Variants in STK25 observed in about 807,000 individuals in gnomAD.
The protein encoded by STK25 is serine/threonine kinase 25.
Under a neutral mutation model 53.8 loss-of-function variants are expected in STK25, and 29 were observed. That is an observed-to-expected ratio of 0.54 (90% confidence interval 0.40 to 0.74). The LOEUF is 0.74. Ranked by LOEUF, STK25 falls within the 30% of genes least tolerant of loss-of-function variation. The pLI is 0.00. For synonymous variants in STK25, 247 were observed against 238.3 expected, an observed-to-expected ratio of 1.04 and a Z score of -0.33; for missense variants, 420 against 568.0, an observed-to-expected ratio of 0.74 and a Z score of 2.65.
chr2:241,496,363 T>C lies in STK25; in HGVS notation c.1241+35A>G. On this transcript the variant is annotated intron_variant, in intron 11 of 11. Transcript: ENST00000316586. The surrounding 1 kb of genome is among the most constrained non-coding windows in gnomAD (Gnocchi z 5.8). ...CCCACGTCCAGCTTCTTGGTGGGGG[T>C]GCTCTCCCCGACCCTATGGCACGGC... 6.3e-7 allele frequency: 1 copy of C among 1,589,250 alleles called. No homozygotes were observed. Among genetic ancestry groups the C allele is most frequent in the Non-Finnish European group, 8.6e-7 (1 of 1,163,684 alleles).
rs967828363 is a variant in STK25, at chr2:241,501,574, C to T, written c.165G>A (p.Glu55=). Residue 55 remains glutamate, a synonymous_variant, in exon 3 of 12, where the codon GAG becomes GAA. Coordinates refer to ENST00000316586, the MANE Select transcript of STK25 (RefSeq NM_001271977.2). This position sits in a 1 kb window ranked among gnomAD's most constrained non-coding sequence, Gnocchi z 5.3. ...VVAIKIIDLE[E]AEDEIEDIQQ... The stretch of plus-strand genomic sequence containing the variant: ...GGATGTCCTCGATCTCATCCTCGGC[C>T]TCCTCCAGGTCGATGATCTTGATGG... 4.3e-6 allele frequency: 7 copies of T among 1,614,172 alleles called. No homozygotes were observed. Among genetic ancestry groups the T allele is most frequent in the African/African-American group, 1.3e-5 (1 of 75,070 alleles).
intron 2 of STK25, among the ~76,000 whole-genome samples, chr2:241,507,279 C>T (rs923975417): frequency 2.0e-5 from 3 of 152,230 alleles, no homozygotes; most frequent in Non-Finnish European, 4.4e-5. Flanking sequence ...CCGGCAAGCC[C>T]TTTGGCACCA....
chr2:241,502,209 C>T (rs545743304), intron 2 of STK25, among the ~76,000 whole-genome samples: 1 of 152,032 alleles, frequency 6.6e-6, no homozygotes, highest in South Asian at 2.1e-4. Flanking sequence ...AAAACCTAAA[C>T]TGAACTTTCC....
At position 241,500,721 on chromosome 2, in the gene STK25, G is replaced by A; in HGVS notation, c.318+19C>T. 1 of 1,613,286 alleles carries A rather than the reference G, an allele frequency of 6.2e-7. No homozygotes were observed. Among genetic ancestry groups the A allele is most frequent in the South Asian group, 1.1e-5 (1 of 91,052 alleles). On this transcript the variant is annotated intron_variant, in intron 4 of 11. Transcript: ENST00000316586. ...CTCGGACACTGCATGACCCCCCACT[G>A]CCATGGCCTATGCCTCACCAAGTCC...
chr2:241,501,749 T>G lies in STK25; in HGVS notation c.31-41A>C, dbSNP rs773481270. ...GGGGACAGAGGGCAGACAGCGCCGG[T>G]CACAAGAGGCGGGGGACAGGCAGAG... On this transcript the variant is annotated intron_variant, in intron 2 of 11. Transcript: ENST00000316586. This position sits in a 1 kb window ranked among gnomAD's most constrained non-coding sequence, Gnocchi z 5.3. 2 of 1,530,812 alleles carry G rather than the reference T, an allele frequency of 1.3e-6. No individual in the cohort carries two copies. The highest frequency in any genetic ancestry group is 2.3e-5 in the South Asian group (2 of 87,652). 94.8% of individuals were successfully genotyped at this position (1,530,812 alleles called of 1,614,324 possible). A position where few individuals can be genotyped will look rare whatever the true frequency, so the allele number is the denominator to read the frequency against.
At chr2:241,507,424 A>C (rs1045820913) in intron 2 of STK25, among the ~76,000 whole-genome samples, 1 of 152,214 alleles carries the variant, frequency 6.6e-6, no homozygotes, top group African/African-American at 2.4e-5. Flanking sequence ...TGTTCGGGCA[A>C]CCGCCCGTCG....
rs138142416 is a variant in STK25 at position 241,497,628 on chromosome 2, G to A, written c.1092C>T (p.Pro364=). The A allele has an allele frequency of 6.6e-5, 107 of 1,613,464 alleles. 1 individual carries two copies. The highest frequency in any genetic ancestry group is 2.0e-4 in the East Asian group (9 of 44,888). The change falls in exon 10 of 12, where the codon CCC becomes CCT. Residue 364 remains proline, a synonymous_variant. Coordinates refer to ENST00000316586, the MANE Select transcript of STK25 (RefSeq NM_001271977.2). ...GCCCCATCCTCACCTCTCCGAAGAC[G>A]GGCCGGACCAGCGTGGACAGGCACT... is the stretch of plus-strand genomic sequence containing the variant. The part of the protein sequence containing the change: ...RSQCLSTLVR[P]VFGELKEKHK...
In STK25 at chr2:241,504,770, T is replaced by C. The variant is rs544818193; in HGVS notation, c.31-3062A>G. 2.4e-4 allele frequency among the ~76,000 whole-genome samples: 36 copies of C among 152,170 alleles called. No individual in the cohort carries two copies. In the East Asian group the frequency reaches 6.6e-3, roughly 28 times the overall value. On this transcript the variant is annotated intron_variant, in intron 2 of 11. Transcript: ENST00000316586. ...CCCACTGGCTGTCATAGGTAAGCAG[T>C]CAGTGTTAAAATATCACCCTCCTGC...
Position 241,494,288 on chromosome 2 carries a change from T to C in STK25, c.*1374A>G, listed in dbSNP as rs2065044143. The C allele has an allele frequency of 2.4e-6, 1 of 423,988 alleles. No individual in the cohort carries two copies. The highest frequency in any genetic ancestry group is 2.0e-5 in the African/African-American group (1 of 48,786). The allele number at this position is 423,988 out of a possible 1,614,324, so 26.3% of individuals were successfully genotyped here. On this transcript the variant is annotated 3_prime_UTR_variant, in exon 12 of 12. Coordinates refer to ENST00000316586, the MANE Select transcript of STK25 (RefSeq NM_001271977.2). This position sits in a 1 kb window ranked among gnomAD's most constrained non-coding sequence, Gnocchi z 4.9. ...GCCTCATGTAACATCTGGGAGGGGC[T>C]TCATCCCCCCACCCAGGACCTAGTG...
rs981531888 is a variant in STK25 at position 241,496,960 on chromosome 2, G to A, written c.1105-426C>T. ...CAGCATCTGAGCCTCCTGTCACCGG[G>A]TGTCACCCACCCTCGGGGGGCTGTG... On this transcript the variant is annotated intron_variant, in intron 10 of 11. Transcript: ENST00000316586. This position sits in a 1 kb window ranked among gnomAD's most constrained non-coding sequence, Gnocchi z 5.8. Among the ~76,000 whole-genome samples, 5 of 152,246 alleles carry A rather than the reference G, an allele frequency of 3.3e-5. No homozygotes were observed. The highest frequency in any genetic ancestry group is 6.5e-5 in the Admixed American group (1 of 15,286).
Position 241,493,815 on chromosome 2 carries a change from T to A in STK25, c.*1847A>T, listed in dbSNP as rs995098791. On this transcript the variant is annotated 3_prime_UTR_variant, in exon 12 of 12. Coordinates refer to ENST00000316586, the MANE Select transcript of STK25 (RefSeq NM_001271977.2). The stretch of plus-strand genomic sequence containing the variant: ...TTTCACCATGTTGGCCAGGCTGGTC[T>A]CGAACTCCTGACCTCAAGTGATCCA... The A allele has an allele frequency of 1.9e-6, 1 of 519,118 alleles. No homozygotes were observed. The highest frequency in any genetic ancestry group is 5.4e-4 in the Middle Eastern group (1 of 1,852). 32.2% of individuals were successfully genotyped at this position (519,118 alleles called of 1,614,324 possible).
chr2:241,508,815 T>C, upstream of STK25: 1 of 921,186 alleles, frequency 1.1e-6, no homozygotes, highest in Non-Finnish European at 1.3e-6. Context: ...GCCGCGCGCC[T>C]GGGCGGGCGG....
chr2:241,492,922 TTGACAGAACCA>T lies in STK25; in HGVS notation c.*2729_*2739del, dbSNP rs766143005. 2 of 1,577,824 alleles carry T rather than the reference TTGACAGAACCA, an allele frequency of 1.3e-6. No individual in the cohort carries two copies. Among genetic ancestry groups the T allele is most frequent in the East Asian group, 4.5e-5 (2 of 44,688 alleles). On this transcript the variant is annotated 3_prime_UTR_variant, in exon 12 of 12. Transcript: ENST00000316586. ...TTAATGCACCTGCATTTTTCCTTTA[TTGACAGAACCA>T]GCTTTCAGGATATCTGCTAAGAAAG...
At chr2:241,497,574 T>C in intron 10 of STK25, 42 bp downstream of exon 10, 2 of 1,600,368 alleles carry the variant, frequency 1.2e-6, no homozygotes, top group Non-Finnish European at 1.7e-6. Context: ...CACAGCCTTG[T>C]CCTTGACGGG....
intron 5 of STK25, 180 bp from the exon 6 acceptor site, chr2:241,499,594 G>T: frequency 1.4e-6 from 1 of 705,530 alleles, no homozygotes; most frequent in Non-Finnish European, 2.3e-6. Context: ...CAGGGGCACT[G>T]CCAGCAGGAG....
In STK25 at chr2:241,501,365, G is replaced by T; in HGVS notation, c.261+113C>A. 9.2e-7 allele frequency: 1 copy of T among 1,082,090 alleles called. No homozygotes were observed. The highest frequency in any genetic ancestry group is 1.4e-6 in the Non-Finnish European group (1 of 723,504). 67.0% of individuals were successfully genotyped at this position (1,082,090 alleles called of 1,614,324 possible). On this transcript the variant is annotated intron_variant, in intron 3 of 11. Transcript: ENST00000316586. This position sits in a 1 kb window ranked among gnomAD's most constrained non-coding sequence, Gnocchi z 5.3. ...CCCAGGGCAGTTTCCCGGAGGGCATGCACTGAACCGTCAAGACCGCCTTGC... is the reference window on the plus strand; with the variant it reads ...CCCAGGGCAGTTTCCCGGAGGGCATTCACTGAACCGTCAAGACCGCCTTGC...
intron 2 of STK25, among the ~76,000 whole-genome samples, chr2:241,505,807 C>T (rs1244492096): frequency 7.2e-5 from 11 of 152,330 alleles, no homozygotes; most frequent in African/African-American, 2.6e-4. Context: ...CCATCCCCAC[C>T]CCCACCTGGA....
In STK25 at chr2:241,499,273, G is replaced by A; in HGVS notation, c.569C>T (p.Ser190Leu). 2 of 1,614,018 alleles carry A rather than the reference G, an allele frequency of 1.2e-6. No individual in the cohort carries two copies. Among genetic ancestry groups the A allele is most frequent in the Non-Finnish European group, 1.7e-6 (2 of 1,180,010 alleles). Residue 190 changes from serine to leucine, a missense_variant, in exon 6 of 12, where the codon TCG becomes TTG. Physicochemically the swap from Ser to Leu is moderately radical, Grantham distance 145. Coordinates refer to ENST00000316586, the MANE Select transcript of STK25 (RefSeq NM_001271977.2). ...TGCACCCACCTTGAAGTCGTAGGCCGACTGCTTGATGACCTCAGGTGCCAT... is the reference window on the plus strand; with the variant it reads ...TGCACCCACCTTGAAGTCGTAGGCCAACTGCTTGATGACCTCAGGTGCCAT... ...FWMAPEVIKQSAYDFKADIWS... is the reference protein window; with the variant it reads ...FWMAPEVIKQLAYDFKADIWS...
In STK25 at chr2:241,496,512, C is replaced by T. The variant is rs1373618275; in HGVS notation, c.1127G>A (p.Ser376Asn). The change falls in exon 11 of 12, where the codon AGC (serine) becomes AAC (asparagine). Residue 376 changes from serine to asparagine, a missense_variant. By Grantham distance (46) the Ser-to-Asn change is conservative. Coordinates refer to ENST00000316586, the MANE Select transcript of STK25 (RefSeq NM_001271977.2). This position sits in a 1 kb window ranked among gnomAD's most constrained non-coding sequence, Gnocchi z 5.8. ...FGELKEKHKQ[S>N]GGSVGALEEL... is the part of the protein sequence containing the mutation. ...CTCCAGCGCACCCACGCTCCCGCCGCTCTGCTTGTGCTTCTCTTTGAGCTG... is the reference window on the plus strand; with the variant it reads ...CTCCAGCGCACCCACGCTCCCGCCGTTCTGCTTGTGCTTCTCTTTGAGCTG... 6.2e-7 allele frequency: 1 copy of T among 1,613,728 alleles called. No homozygotes were observed. The highest frequency in any genetic ancestry group is 8.5e-7 in the Non-Finnish European group (1 of 1,179,960).
Sources: gnomAD v4.1 joint callset for allele counts (sites outside exome capture counted in the v4.1 genomes callset) on GRCh38, gnomAD v4.1.1 for gene constraint, Gnocchi (gnomAD v3.1) non-coding constraint, MANE v1.5 for transcripts, NCBI Gene and HGNC (gene_info 2026-07-23, HGNC 2026-07-21) for gene names.